Variants in NTNG1 observed in about 807,000 individuals in gnomAD.
NTNG1 encodes netrin-G1.
A neutral mutation model predicts 54.0 loss-of-function variants in NTNG1; 16 were observed. The observed-to-expected ratio is 0.30, with a 90% CI of 0.20 to 0.45. The LOEUF (loss-of-function observed/expected upper bound fraction) is 0.45. Ranked by LOEUF, NTNG1 falls within the 20% of genes least tolerant of loss-of-function variation. The pLI, the probability that NTNG1 is intolerant of heterozygous loss-of-function variation, is 1.00. For missense variants in NTNG1, 530 were observed against 678.7 expected (o/e 0.78, Z 2.43); for synonymous variants, 255 against 263.1 (o/e 0.97, Z 0.30).
At chr1:107,305,097 TG>T (rs1666597669) in intron 2 of NTNG1, among the ~76,000 whole-genome samples, 1 of 152,196 alleles carries the variant, frequency 6.6e-6, no homozygotes, top group South Asian at 2.1e-4. Flanking sequence ...TAGTATTCCA[TG>T]GTGTGTATGT....
At chr1:107,288,209 A>G (rs1181038984) in intron 2 of NTNG1, among the ~76,000 whole-genome samples, 1 of 152,196 alleles carries the variant, frequency 6.6e-6, no homozygotes, top group Non-Finnish European at 1.5e-5. Context: ...TAAAAGCAAG[A>G]GAAAAAATGA....
At chr1:107,384,767 TCTC>T (rs1296299921) in intron 3 of NTNG1, among the ~76,000 whole-genome samples, 1 of 152,200 alleles carries the variant, frequency 6.6e-6, no homozygotes, top group Non-Finnish European at 1.5e-5. Context: ...CATGTATGCT[TCTC>T]CTATAATACA....
At chr1:107,423,049 C>G (rs1424862230) in intron 5 of NTNG1, among the ~76,000 whole-genome samples, 3 of 152,008 alleles carry the variant, frequency 2.0e-5, no homozygotes, top group Non-Finnish European at 4.4e-5. Context: ...TCAAAAGGAA[C>G]CTTTTAAACC....
rs138031333 is a variant in NTNG1, at chr1:107,465,794, TTA to T, written c.1391-14815_1391-14814del. Among the ~76,000 whole-genome samples the T allele has an allele frequency of 6.4e-3, 969 of 152,314 alleles. 7 individuals carry two copies. Among genetic ancestry groups the T allele is most frequent in the African/African-American group, 0.022 (907 of 41,572 alleles). On this transcript the variant is annotated intron_variant, in intron 7 of 7. Coordinates refer to ENST00000370068, the MANE Select transcript of NTNG1 (RefSeq NM_001113226.3). ...TCTGCTGCTCAGTCGCCAGGAGGAC[TTA>T]TGTAAGATCCACAGGTCTCCCATAC...
chr1:107,472,282 A>G (rs1270385229), intron 7 of NTNG1, among the ~76,000 whole-genome samples: 1 of 152,204 alleles, frequency 6.6e-6, no homozygotes, highest in Admixed American at 6.5e-5. Context: ...ACCATCCATC[A>G]TCATATATTT....
chr1:107,195,632 C>G (rs1341619061), intron 2 of NTNG1, among the ~76,000 whole-genome samples: 1 of 151,924 alleles, frequency 6.6e-6, no homozygotes, highest in African/African-American at 2.4e-5. Flanking sequence ...CACACACATA[C>G]ACACACACCT....
At chr1:107,385,066 GC>G (rs1263492500) in intron 3 of NTNG1, among the ~76,000 whole-genome samples, 1 of 152,026 alleles carries the variant, frequency 6.6e-6, no homozygotes, top group East Asian at 1.9e-4. Context: ...CATGATCTAG[GC>G]TTTTGCTGTA....
intron 2 of NTNG1, among the ~76,000 whole-genome samples, chr1:107,266,423 A>C (rs375847110): frequency 2.6e-5 from 4 of 152,280 alleles, no homozygotes. Flanking sequence ...TGGATGAGGC[A>C]GGAGGAAGAC....
chr1:107,289,699 C>T (rs529144968), intron 2 of NTNG1, among the ~76,000 whole-genome samples: 4 of 152,084 alleles, frequency 2.6e-5, no homozygotes, highest in Non-Finnish European at 4.4e-5. Flanking sequence ...GAAGAGATAA[C>T]GTGTCTTGTT....
At chr1:107,388,820 A>G (rs1437580642) in intron 3 of NTNG1, among the ~76,000 whole-genome samples, 2 of 152,210 alleles carry the variant, frequency 1.3e-5, no homozygotes, top group African/African-American at 2.4e-5. Context: ...TCATGTGTCT[A>G]TGTAAAGAAA....
chr1:107,174,020 C>T (rs4615866), intron 2 of NTNG1, among the ~76,000 whole-genome samples: 74,335 of 151,916 alleles, frequency 0.49, 21,666 homozygotes, highest in East Asian at 0.68. Context: ...TATTCCACAA[C>T]AGAAAGATAA....
chr1:107,317,664 C>A (rs1015734828), intron 2 of NTNG1, among the ~76,000 whole-genome samples: 4 of 152,192 alleles, frequency 2.6e-5, no homozygotes, highest in African/African-American at 7.2e-5. Context: ...ACACAGGTGT[C>A]TATTATTGCC....
At chr1:107,200,292 A>G (rs549089220) in intron 2 of NTNG1, among the ~76,000 whole-genome samples, 115 of 151,952 alleles carry the variant, frequency 7.6e-4, no homozygotes, top group African/African-American at 2.6e-3. Flanking sequence ...GGCACCCTCC[A>G]TTTCAAAATA....
In NTNG1 at chr1:107,481,528, T is replaced by C. The variant is rs538059486; in HGVS notation, c.*688T>C. 1 of 152,816 alleles carries C rather than the reference T, an allele frequency of 6.5e-6. No homozygotes were observed. Among genetic ancestry groups the C allele is most frequent in the South Asian group, 2.1e-4 (1 of 4,832 alleles). The allele number at this position is 152,816 out of a possible 1,614,324, so 9.5% of individuals were successfully genotyped here. A position where few individuals can be genotyped will look rare whatever the true frequency, so the allele number is the denominator to read the frequency against. On this transcript the variant is annotated 3_prime_UTR_variant, in exon 8 of 8. Transcript: ENST00000370068. ...GCTATAGGAAAAAAGAAAGTGTATC[T>C]ATCCTTTTGTATTCAAATGAAGTTA... is the stretch of plus-strand genomic sequence containing the variant.
At chr1:107,457,284 G>A (rs961408995) in intron 7 of NTNG1, among the ~76,000 whole-genome samples, 2 of 152,144 alleles carry the variant, frequency 1.3e-5, no homozygotes, top group African/African-American at 4.8e-5. Context: ...GGCTCTTTTG[G>A]TACTAAATCC....
chr1:107,398,999 G>T (rs935256762), intron 4 of NTNG1, among the ~76,000 whole-genome samples: 7 of 152,228 alleles, frequency 4.6e-5, no homozygotes, highest in African/African-American at 1.7e-4. Flanking sequence ...TAATCACTAT[G>T]TAGGAATCCT....
rs114538605 is a variant in NTNG1 at position 107,297,832 on chromosome 1, G to A, written c.247-26450G>A. ...ATCTATTTCATGAAATAGAAGTCAC[G>A]TTTTTAGAAATTACCTACTTTTTAT... On this transcript the variant is annotated intron_variant, in intron 2 of 7. Transcript: ENST00000370068. Among the ~76,000 whole-genome samples, 97 of 152,174 alleles carry A rather than the reference G, an allele frequency of 6.4e-4. No homozygotes were observed. The East Asian group carries it at 0.013, about 20-fold the overall frequency.
intron 2 of NTNG1, among the ~76,000 whole-genome samples, chr1:107,170,310 G>C (rs1412962361): frequency 2.0e-5 from 3 of 152,106 alleles, no homozygotes; most frequent in African/African-American, 7.2e-5. Flanking sequence ...AGATAAATAA[G>C]TTATTTCTTT....
intron 2 of NTNG1, among the ~76,000 whole-genome samples, chr1:107,289,135 C>T (rs1445793932): frequency 6.6e-6 from 1 of 152,108 alleles, no homozygotes; most frequent in Non-Finnish European, 1.5e-5. Context: ...CAACTTTCCA[C>T]CATCAAATCT....
Sources: gnomAD v4.1 joint callset for allele counts (sites outside exome capture counted in the v4.1 genomes callset) on GRCh38, gnomAD v4.1.1 for gene constraint, MANE v1.5 for transcripts, NCBI Gene and HGNC (gene_info 2026-07-23, HGNC 2026-07-21) for gene names.